The following PIK3C2A variants were observed in gnomAD, a reference collection of about 807,000 sequenced individuals.
The protein encoded by PIK3C2A is phosphatidylinositol-4-phosphate 3-kinase catalytic subunit type 2 alpha.
PIK3C2A carries 97 observed loss-of-function variants against 204.5 expected under a neutral mutation model. The observed-to-expected ratio is 0.47, with a 90% CI of 0.40 to 0.56. The LOEUF (loss-of-function observed/expected upper bound fraction) is 0.56. Ranked by LOEUF, PIK3C2A falls within the 20% of genes least tolerant of loss-of-function variation. The probability of loss-of-function intolerance (pLI) is 0.00; values close to 1 mark genes in which losing one functional copy is unlikely to be tolerated. For synonymous variants in PIK3C2A, 653 were observed against 664.4 expected, an observed-to-expected ratio of 0.98 and a Z score of 0.26; for missense variants, 1,735 against 1,969.2, an observed-to-expected ratio of 0.88 and a Z score of 2.25.
At chr11:17,171,347 G>A (rs1565289837) in intron 1 of PIK3C2A, among the ~76,000 whole-genome samples, 1 of 152,120 alleles carries the variant, frequency 6.6e-6, no homozygotes, top group South Asian at 2.1e-4. Flanking sequence ...GAGAGCTCCT[G>A]TTTACATTCT....
chr11:17,105,627 A>G (rs540196855), intron 22 of PIK3C2A, among the ~76,000 whole-genome samples: 3 of 152,166 alleles, frequency 2.0e-5, no homozygotes, highest in Admixed American at 6.6e-5. Context: ...ACTCCCACAT[A>G]TGAGTGGGAA....
At chr11:17,101,764 C>G (rs772576643) in intron 24 of PIK3C2A, among the ~76,000 whole-genome samples, 1 of 150,974 alleles carries the variant, frequency 6.6e-6, no homozygotes, top group African/African-American at 2.4e-5. Flanking sequence ...CCACCACGCC[C>G]GGCTAATTTT....
At position 17,117,500 on chromosome 11, in the gene PIK3C2A, T is replaced by C; in HGVS notation, c.3207A>G (p.Ser1069=). 2 of 1,611,496 alleles carry C rather than the reference T, an allele frequency of 1.2e-6. No homozygotes were observed. The highest frequency in any genetic ancestry group is 2.2e-5 in the East Asian group (1 of 44,854). The change falls in exon 19 of 33, where the codon TCA becomes TCG. Residue 1069 remains serine (S), a synonymous_variant. Coordinates refer to ENST00000691414, the MANE Select transcript of PIK3C2A (RefSeq NM_002645.4). ...TTTTATGGGTACATACCTGTCTGGC[T>C]GATCCACTAGCCTGCCTTACTTTTT... is the stretch of plus-strand genomic sequence containing the variant. ...VAEKVRQASG[S]ARQVVLQRSM...
chr11:17,169,719 C>G lies in PIK3C2A; in HGVS notation c.23G>C (p.Ser8Thr). The G allele has an allele frequency of 1.9e-6, 3 of 1,602,536 alleles. No homozygotes were observed. The highest frequency in any genetic ancestry group is 2.5e-6 in the Non-Finnish European group (3 of 1,178,548). Reference sequence around the variant, plus strand: ...TGAAGATGGACATTCTTTAAATCCGCTGTTGCTAGATATCTGAGCCATGTC... The same window carrying G: ...TGAAGATGGACATTCTTTAAATCCGGTGTTGCTAGATATCTGAGCCATGTC... MAQISSN[S>T]GFKECPSSHP... Residue 8 changes from serine (S) to threonine (T), a missense_variant, in exon 2 of 33, where the codon AGC becomes ACC. Ser to Thr is a moderately conservative substitution (Grantham distance 58). Coordinates refer to ENST00000691414, the MANE Select transcript of PIK3C2A (RefSeq NM_002645.4).
At chr11:17,148,639 A>G in intron 5 of PIK3C2A, 28 bp downstream of exon 5, 6 of 1,604,088 alleles carry the variant, frequency 3.7e-6, no homozygotes, top group Non-Finnish European at 5.1e-6. Context: ...ATTTCCAAGG[A>G]TGTTGCTCAG....
chr11:17,157,962 T>A (rs1850650525), intron 2 of PIK3C2A, among the ~76,000 whole-genome samples: 1 of 152,220 alleles, frequency 6.6e-6, no homozygotes, highest in Non-Finnish European at 1.5e-5. Context: ...TTGAATCATA[T>A]CCTGTTCCTA....
chr11:17,131,712 C>T (rs909033176), intron 12 of PIK3C2A, among the ~76,000 whole-genome samples: 2 of 152,056 alleles, frequency 1.3e-5, no homozygotes, highest in African/African-American at 2.4e-5. Flanking sequence ...TGAGCCACTG[C>T]GCCCGGTCGG....
chr11:17,091,869 G>T (rs1848319683), intron 30 of PIK3C2A, 127 bp downstream of exon 30: 1 of 739,380 alleles, frequency 1.4e-6, no homozygotes, highest in African/African-American at 1.8e-5. Flanking sequence ...GACTGGCTTA[G>T]AAAGAATACT....
chr11:17,169,123 G>C lies in PIK3C2A; in HGVS notation c.619C>G (p.His207Asp). 6.2e-7 allele frequency: 1 copy of C among 1,614,216 alleles called. No individual in the cohort carries two copies. ...TAGATAGGTAAGCTTCCTTGTGGATGAAAGGGTGTGGCAGGTGTCAAAGGA... is the reference window on the plus strand; with the variant it reads ...TAGATAGGTAAGCTTCCTTGTGGATCAAAGGGTGTGGCAGGTGTCAAAGGA... The part of the protein sequence containing the change: ...SYPLTPATPF[H>D]PQGSLPIYRP... Residue 207 changes from histidine to aspartate, a missense_variant, in exon 2 of 33, where the codon CAT becomes GAT. Coordinates refer to ENST00000691414, the MANE Select transcript of PIK3C2A (RefSeq NM_002645.4).
intron 28 of PIK3C2A, 61 bp downstream of exon 28, chr11:17,094,200 C>T: frequency 1.5e-6 from 2 of 1,310,212 alleles, no homozygotes; most frequent in Middle Eastern, 4.6e-4. Context: ...AGCTTTCTAC[C>T]TACATTTGAT....
chr11:17,186,932 A>T (rs916588164), intron 1 of PIK3C2A, among the ~76,000 whole-genome samples: 4 of 152,156 alleles, frequency 2.6e-5, no homozygotes, highest in African/African-American at 4.8e-5. Flanking sequence ...TACAAAAATT[A>T]GCTGGGTGTG....
chr11:17,150,657 TG>T lies in PIK3C2A; in HGVS notation c.1170-3del. On this transcript the variant is annotated splice_region_variant and splice_polypyrimidine_tract_variant and intron_variant, in intron 3 of 32. Transcript: ENST00000691414. ...GTATATGGAAATTTGGTCTTCAATCTGTTCACAAGAAAGAAGAAATTAAATT... is the reference window on the plus strand; with the variant it reads ...GTATATGGAAATTTGGTCTTCAATCTTTCACAAGAAAGAAGAAATTAAATT... 6.3e-7 allele frequency: 1 copy of T among 1,576,444 alleles called. No individual in the cohort carries two copies. Among genetic ancestry groups the T allele is most frequent in the Non-Finnish European group, 8.6e-7 (1 of 1,166,062 alleles).
intron 24 of PIK3C2A, 152 bp from the exon 25 acceptor site, chr11:17,101,586 AT>A (rs1848623017): frequency 2.3e-6 from 1 of 428,408 alleles, no homozygotes; most frequent in African/African-American, 2.0e-5. Context: ...TAATTTTAAA[AT>A]AACATTTTTC....
Position 17,089,796 on chromosome 11 carries a change from A to T in PIK3C2A, c.5003T>A (p.Phe1668Tyr), listed in dbSNP as rs1848248449. The T allele has an allele frequency of 1.9e-6, 3 of 1,613,910 alleles. No individual in the cohort carries two copies. Among genetic ancestry groups the T allele is most frequent in the Admixed American group, 1.7e-5 (1 of 59,988 alleles). ...LGGVTLPLKD[F>Y]NLSKETVKWY... ...TTTAACCGTCTCTTTGCTCAAGTTGAAATCTTTCAAAGGCAGGGTTACTCC... is the reference window on the plus strand; with the variant it reads ...TTTAACCGTCTCTTTGCTCAAGTTGTAATCTTTCAAAGGCAGGGTTACTCC... Residue 1668 changes from phenylalanine (F) to tyrosine (Y), a missense_variant, in exon 33 of 33, where the codon TTC becomes TAC. By Grantham distance (22) the Phe-to-Tyr change is conservative. Coordinates refer to ENST00000691414, the MANE Select transcript of PIK3C2A (RefSeq NM_002645.4).
At chr11:17,175,044 T>C (rs538208229) in intron 1 of PIK3C2A, among the ~76,000 whole-genome samples, 31 of 152,368 alleles carry the variant, frequency 2.0e-4, no homozygotes, top group African/African-American at 6.7e-4. Context: ...TAATGAACAA[T>C]GTAACACTAT....
At chr11:17,098,221 C>A (rs1233767373) in intron 26 of PIK3C2A, among the ~76,000 whole-genome samples, 3 of 152,184 alleles carry the variant, frequency 2.0e-5, no homozygotes, top group Non-Finnish European at 4.4e-5. Context: ...TTTGTGTTCC[C>A]TCAAATTCAT....
In PIK3C2A at chr11:17,092,205, T is replaced by C; in HGVS notation, c.4523A>G (p.Asn1508Ser). The C allele has an allele frequency of 6.2e-7, 1 of 1,608,294 alleles. No individual in the cohort carries two copies. Among genetic ancestry groups the C allele is most frequent in the Non-Finnish European group, 8.5e-7 (1 of 1,174,678 alleles). Residue 1508 changes from asparagine to serine, a missense_variant, in exon 29 of 33, where the codon AAC becomes AGC. Coordinates refer to ENST00000691414, the MANE Select transcript of PIK3C2A (RefSeq NM_002645.4). The part of the protein sequence containing the change: ...DVAAKRKIEL[N>S]SYLQSLMNAS... The stretch of plus-strand genomic sequence containing the variant: ...ATTCATCAAACTCTGTAAGTAACTG[T>C]TTAACTCAATTTTCCTTTTGGCTGC...
rs1164233386 is a variant in PIK3C2A at position 17,091,366 on chromosome 11, G to A, written c.4846C>T (p.Arg1616Ter). The change falls in exon 32 of 33, where the codon CGA (arginine) becomes TGA (stop). Residue 1616 changes from arginine (R) to a stop codon, truncating the protein, a stop_gained. Transcript: ENST00000691414. LOFTEE classifies it high-confidence loss of function. ...KTSKRKTKISRKTRNPTFNEM... is the reference protein window; with the variant it reads ...KTSKRKTKIS ...TTGAATGTCGGATTCCTCGTTTTTC[G>A]TGAAATTTTGGTTTTACGTTTGGAT... 3 of 1,613,162 alleles carry A rather than the reference G, an allele frequency of 1.9e-6. No homozygotes were observed. Among genetic ancestry groups the A allele is most frequent in the Non-Finnish European group, 2.5e-6 (3 of 1,179,444 alleles).
At chr11:17,181,414 G>C (rs998078363) in intron 1 of PIK3C2A, among the ~76,000 whole-genome samples, 6 of 151,264 alleles carry the variant, frequency 4.0e-5, no homozygotes, top group African/African-American at 1.2e-4. Context: ...GGATCCACTA[G>C]AGTTGTACAA....
Sources: allele counts gnomAD v4.1 joint callset (sites outside exome capture counted in the v4.1 genomes callset), GRCh38; gene constraint gnomAD v4.1.1; transcripts MANE v1.5; gene names NCBI Gene and HGNC (gene_info 2026-07-23, HGNC 2026-07-21).